Variants in IQSEC3 observed in about 807,000 individuals in gnomAD.
IQSEC3 encodes the protein IQ motif and Sec7 domain ArfGEF 3.
IQSEC3 carries 50 observed loss-of-function variants against 105.4 expected under a neutral mutation model. The observed-to-expected ratio is 0.47, with a 90% confidence interval of 0.38 to 0.60. The LOEUF is 0.60. Among genes scored for constraint, IQSEC3 ranks in the 20% least tolerant of loss-of-function variants. The pLI, the probability that IQSEC3 is intolerant of heterozygous loss-of-function variation, is 0.00. For missense variants in IQSEC3, 1,415 were observed against 1,630.0 expected (o/e 0.87, Z 2.27); for synonymous variants, 708 against 746.0 (o/e 0.95, Z 0.83).
chr12:159,865 G>A (rs577357423), intron 7 of IQSEC3, among the ~76,000 whole-genome samples: 1 of 152,184 alleles, frequency 6.6e-6, no homozygotes, highest in South Asian at 2.1e-4. Flanking sequence ...CTATTCTGTT[G>A]GTGGATCTCC....
intron 1 of IQSEC3, among the ~76,000 whole-genome samples, chr12:85,832 G>T (rs1863899893): frequency 6.6e-6 from 1 of 152,192 alleles, no homozygotes; most frequent in African/African-American, 2.4e-5. Flanking sequence ...AGCGTGTGTT[G>T]ATACTGATGA....
chr12:68,192 GGCTT>G (rs1402746292), intron 1 of IQSEC3, among the ~76,000 whole-genome samples: 2 of 150,436 alleles, frequency 1.3e-5, no homozygotes, highest in African/African-American at 5.0e-5. Flanking sequence ...ACTCAGGCAT[GGCTT>G]GAGGACTCAG....
Position 139,334 on chromosome 12 carries a change from C to A in IQSEC3, c.1971C>A (p.Ile657=). The A allele has an allele frequency of 6.3e-7, 1 of 1,575,726 alleles. No homozygotes were observed. The highest frequency in any genetic ancestry group is 1.8e-5 in the Admixed American group (1 of 54,970). ...TDTLRKRLYR[I]GLNLFNINPD... is the part of the protein sequence containing the mutation. ...CCCTGCGCAAGCGGCTCTACCGCAT[C>A]GGCCTCAACCTCTTCAACATGTAAG... is the stretch of plus-strand genomic sequence containing the variant. The change falls in exon 4 of 14, where the codon ATC becomes ATA. Residue 657 remains isoleucine, a synonymous_variant. Coordinates refer to ENST00000538872, the MANE Select transcript of IQSEC3 (RefSeq NM_001170738.2).
rs58047522 is a variant in IQSEC3 at position 73,049 on chromosome 12, TATAAATAAATAAATAAATAAATAA to T, written c.554+5639_554+5662del. Reference sequence around the variant, plus strand: ...TGACAGAGCGACACTCTGCCTAAAATATAAATAAATAAATAAATAAATAAATAAATAAATAAATAAATAAATAAA... The same window carrying T: ...TGACAGAGCGACACTCTGCCTAAAATATAAATAAATAAATAAATAAATAAA... On this transcript the variant is annotated intron_variant, in intron 1 of 13. Transcript: ENST00000538872. 9.6e-3 allele frequency among the ~76,000 whole-genome samples: 1,298 copies of T among 135,670 alleles called. 26 individuals carry two copies. Among genetic ancestry groups the T allele is most frequent in the African/African-American group, 0.036 (1,227 of 33,950 alleles). 89.0% of individuals were successfully genotyped at this position (135,670 alleles called of 152,430 possible). A position where few individuals can be genotyped will look rare whatever the true frequency, so the allele number is the denominator to read the frequency against.
chr12:80,479 C>T (rs1863706327), intron 1 of IQSEC3, among the ~76,000 whole-genome samples: 2 of 152,208 alleles, frequency 1.3e-5, no homozygotes, highest in Admixed American at 1.3e-4. Flanking sequence ...GAGCACACAC[C>T]AGTCCTTGCT....
At chr12:137,872 C>A (rs1865832221) in intron 3 of IQSEC3, among the ~76,000 whole-genome samples, 1 of 151,594 alleles carries the variant, frequency 6.6e-6, no homozygotes, top group African/African-American at 2.4e-5. Flanking sequence ...CTATGTTGCC[C>A]AGCCTGGTCG....
chr12:102,403 T>C (rs1555076419), intron 2 of IQSEC3, among the ~76,000 whole-genome samples: 2 of 152,144 alleles, frequency 1.3e-5, no homozygotes, highest in Non-Finnish European at 2.9e-5. Flanking sequence ...TCCCTGGCCA[T>C]CCTCCTCTGC....
Position 175,068 on chromosome 12 carries a change from T to C in IQSEC3, c.*35T>C. 1.4e-6 allele frequency: 2 copies of C among 1,462,560 alleles called. No individual in the cohort carries two copies. Among genetic ancestry groups the C allele is most frequent in the East Asian group, 2.4e-5 (1 of 40,988 alleles). The allele number at this position is 1,462,560 out of a possible 1,614,324, so 90.6% of individuals were successfully genotyped here. ...CACCACCCTGCTGTCCTGGGAGGGC[T>C]GGCCACTGGGGGGCCTGGGCTGCCC... On this transcript the variant is annotated 3_prime_UTR_variant, in exon 14 of 14. Transcript: ENST00000538872.
At chr12:145,996 G>A (rs530224269) in intron 5 of IQSEC3, among the ~76,000 whole-genome samples, 1 of 152,334 alleles carries the variant, frequency 6.6e-6, no homozygotes, top group South Asian at 2.1e-4. Context: ...TCCCTCCACT[G>A]CGTCTGCTCC....
At chr12:73,714 A>AGAAAGAT (rs1220239272) in intron 1 of IQSEC3, among the ~76,000 whole-genome samples, 4 of 152,236 alleles carry the variant, frequency 2.6e-5, no homozygotes, top group African/African-American at 9.7e-5. Context: ...CCAGGGCCCA[A>AGAAAGAT]GAAAGATAAA....
Position 163,579 on chromosome 12 carries a change from C to A in IQSEC3, c.2669C>A (p.Ala890Glu). The A allele has an allele frequency of 1.9e-6, 3 of 1,594,554 alleles. No individual in the cohort carries two copies. Among genetic ancestry groups the A allele is most frequent in the Non-Finnish European group, 2.6e-6 (3 of 1,163,300 alleles). ...GTGAACAAGCTGCAGAAGCAGGCAG[C>A]GCATCAGAGGGAGGTGTTCCTCTTC... ...TDVNKLQKQA[A>E]HQREVFLFND... Residue 890 changes from alanine (A) to glutamate (E), a missense_variant, in exon 9 of 14, where the codon GCG becomes GAG. By Grantham distance (107) the Ala-to-Glu change is moderately radical. This residue lies in a region of IQSEC3 where 419 missense variants were observed against 436.2 expected (regional missense o/e 0.96). Transcript: ENST00000538872.
Position 138,837 on chromosome 12 carries a change from A to C in IQSEC3, c.1474A>C (p.Ile492Leu). The C allele has an allele frequency of 6.2e-7, 1 of 1,611,894 alleles. No homozygotes were observed. The highest frequency in any genetic ancestry group is 8.5e-7 in the Non-Finnish European group (1 of 1,179,340). The change falls in exon 4 of 14, where the codon ATC becomes CTC. Residue 492 changes from isoleucine to leucine, a missense_variant. This residue lies in a region of IQSEC3 where 720 missense variants were observed against 633.0 expected (regional missense o/e 1.14). Coordinates refer to ENST00000538872, the MANE Select transcript of IQSEC3 (RefSeq NM_001170738.2). The surrounding 1 kb of genome is among the most constrained non-coding windows in gnomAD (Gnocchi z 7.1). ...GGCTTTCCGGGACGTCACGGTGCAGATCGCCAACCAGAACATATCCGTCTC... is the reference window on the plus strand; with the variant it reads ...GGCTTTCCGGGACGTCACGGTGCAGCTCGCCAACCAGAACATATCCGTCTC... ...MMAFRDVTVQ[I>L]ANQNISVSSS...
rs375963147 is a variant in IQSEC3, at chr12:138,918, C to T, written c.1555C>T (p.Pro519Ser). 2.5e-6 allele frequency: 4 copies of T among 1,599,792 alleles called. No homozygotes were observed. The African/African-American group carries it at 5.4e-5, about 21-fold the overall frequency. The change falls in exon 4 of 14, where the codon CCC becomes TCC. Residue 519 changes from proline to serine, a missense_variant. Pro to Ser is a moderately conservative substitution (Grantham distance 74). Transcript: ENST00000538872. The surrounding 1 kb of genome is among the most constrained non-coding windows in gnomAD (Gnocchi z 7.1). ...NCLGAQTVQA[P>S]AEPAAGKAEQ... is the part of the protein sequence containing the mutation. ...CCTGGGCGCTCAGACGGTCCAGGCC[C>T]CCGCAGAGCCCGCGGCGGGCAAGGC...
intron 1 of IQSEC3, among the ~76,000 whole-genome samples, chr12:78,057 G>A (rs1443920181): frequency 2.6e-5 from 4 of 151,334 alleles, no homozygotes; most frequent in Non-Finnish European, 3.0e-5. Context: ...CGCCCCCGCC[G>A]CCCCGCTGAG....
intron 5 of IQSEC3, among the ~76,000 whole-genome samples, chr12:146,563 T>C (rs1866280568): frequency 6.6e-6 from 1 of 152,196 alleles, no homozygotes; most frequent in Non-Finnish European, 1.5e-5. Flanking sequence ...GGGGAATCAC[T>C]TGAGCCCAGG....
In IQSEC3 at chr12:147,570, G is replaced by A. The variant is rs115113075; in HGVS notation, c.2153+6285G>A. Among the ~76,000 whole-genome samples the A allele has an allele frequency of 3.9e-3, 597 of 152,200 alleles. 4 individuals are homozygous for A. Among genetic ancestry groups the A allele is most frequent in the African/African-American group, 0.013 (552 of 41,518 alleles). On this transcript the variant is annotated intron_variant, in intron 5 of 13. Coordinates refer to ENST00000538872, the MANE Select transcript of IQSEC3 (RefSeq NM_001170738.2). ...CGTCATTCCAGGACCCCTGTGGTCC[G>A]GTTGCTCTCACAGTCCTTGTCAGTC...
chr12:74,991 G>A (rs562402663), intron 1 of IQSEC3, among the ~76,000 whole-genome samples: 65 of 152,376 alleles, frequency 4.3e-4, no homozygotes, highest in African/African-American at 1.4e-3. Context: ...CAAACTTACA[G>A]CTAGTCCCAT....
intron 5 of IQSEC3, among the ~76,000 whole-genome samples, chr12:146,773 AG>A (rs1441482591): frequency 2.0e-5 from 3 of 152,216 alleles, no homozygotes; most frequent in East Asian, 3.9e-4. Context: ...CAGTGCAGGC[AG>A]GCAGGAATAG....
chr12:148,997 G>T (rs1281024889), intron 5 of IQSEC3: 1 of 151,944 alleles, frequency 6.6e-6, no homozygotes, highest in Non-Finnish European at 1.5e-5. Context: ...TCACAGGCGT[G>T]TAGGACGCTT....
Sources: allele counts gnomAD v4.1 joint callset (sites outside exome capture counted in the v4.1 genomes callset), GRCh38; gene constraint gnomAD v4.1.1; regional missense constraint gnomAD v4.1.1; non-coding constraint Gnocchi (gnomAD v3.1); transcripts MANE v1.5; gene names NCBI Gene and HGNC (gene_info 2026-07-23, HGNC 2026-07-21).